MAN1C1: variants seen among roughly 807,000 people sequenced by gnomAD.
The protein encoded by MAN1C1 is mannosyl-oligosaccharide 1,2-alpha-mannosidase IC.
A neutral mutation model predicts 71.5 loss-of-function variants in MAN1C1; 49 were observed. The ratio of observed to expected loss-of-function variants is 0.69; its 90% CI spans 0.54 to 0.87. MAN1C1 has a LOEUF of 0.87. Ranked by LOEUF, MAN1C1 falls within the 40% of genes least tolerant of loss-of-function variation. The pLI is 0.00. For missense variants in MAN1C1, 743 were observed against 835.0 expected (o/e 0.89, Z 1.36); for synonymous variants, 352 against 343.7 (o/e 1.02, Z -0.27).
chr1:25,670,288 A>T (rs1191297263), intron 1 of MAN1C1, among the ~76,000 whole-genome samples: 3 of 152,244 alleles, frequency 2.0e-5, no homozygotes, highest in Non-Finnish European at 4.4e-5. Context: ...GCACTTGGAG[A>T]TTCCTGCGTT....
intron 2 of MAN1C1, among the ~76,000 whole-genome samples, chr1:25,733,474 C>T (rs1290422000): frequency 6.6e-6 from 1 of 152,112 alleles, no homozygotes; most frequent in East Asian, 1.9e-4. Context: ...TGCCCTTGGC[C>T]CCTTTCTCCT....
chr1:25,781,986 G>A (rs528193848), intron 10 of MAN1C1, among the ~76,000 whole-genome samples: 7 of 152,342 alleles, frequency 4.6e-5, no homozygotes, highest in Admixed American at 2.6e-4. Flanking sequence ...GAGGGGCTGA[G>A]GCAAGAGGAT....
intron 2 of MAN1C1, among the ~76,000 whole-genome samples, chr1:25,727,461 C>T (rs1041427740): frequency 6.6e-6 from 1 of 152,206 alleles, no homozygotes; most frequent in East Asian, 1.9e-4. Flanking sequence ...CCACCCTGCC[C>T]GAGAACGGGA....
chr1:25,653,471 G>C (rs1297534759), intron 1 of MAN1C1, among the ~76,000 whole-genome samples: 1 of 152,180 alleles, frequency 6.6e-6, no homozygotes, highest in East Asian at 1.9e-4. Flanking sequence ...GTGTTGTGTT[G>C]TGACTACTCG....
intron 1 of MAN1C1, among the ~76,000 whole-genome samples, chr1:25,676,093 C>CAA (rs2046063416): frequency 6.6e-6 from 1 of 152,136 alleles, no homozygotes; most frequent in South Asian, 2.1e-4. Context: ...CTTTGAGCAG[C>CAA]GAGAGTTTCT....
chr1:25,675,152 G>T (rs2046046438), intron 1 of MAN1C1, among the ~76,000 whole-genome samples: 1 of 152,104 alleles, frequency 6.6e-6, no homozygotes, highest in Admixed American at 6.5e-5. Context: ...TTCTTTAGTG[G>T]TGATTTCTGA....
At chr1:25,664,477 A>C (rs1572132405) in intron 1 of MAN1C1, among the ~76,000 whole-genome samples, 1 of 152,224 alleles carries the variant, frequency 6.6e-6, no homozygotes. Flanking sequence ...TTATTCTGCC[A>C]TATAATAGTG....
chr1:25,703,961 C>A lies in MAN1C1; in HGVS notation c.637+17425C>A, dbSNP rs1012222608. The stretch of plus-strand genomic sequence containing the variant: ...AAGGGCCCACCTTCTTGGGCACTGG[C>A]GGGATCTGTCTGCCCAGTTCCTGGT... On this transcript the variant is annotated intron_variant, in intron 2 of 11. Transcript: ENST00000374332. Among the ~76,000 whole-genome samples, 4 of 152,162 alleles carry A rather than the reference C, an allele frequency of 2.6e-5. No homozygotes were observed. In the South Asian group the frequency reaches 6.2e-4, roughly 24 times the overall value.
At chr1:25,742,895 G>A (rs927287805) in intron 2 of MAN1C1, among the ~76,000 whole-genome samples, 13 of 152,160 alleles carry the variant, frequency 8.5e-5, no homozygotes, top group Admixed American at 7.2e-4. Context: ...CCCTGACCTC[G>A]TTGCCCTTCC....
In MAN1C1 at chr1:25,757,505, G is replaced by A. The variant is rs982292829; in HGVS notation, c.930-1087G>A. On this transcript the variant is annotated intron_variant, in intron 5 of 11. Transcript: ENST00000374332. ...CATATGAGGAAACTGAGGCACGGGG[G>A]GGGGGGGCAGCTTGCCCAGAACCAC... Among the ~76,000 whole-genome samples, 16 of 16,808 alleles carry A rather than the reference G, an allele frequency of 9.5e-4. No homozygotes were observed. In the East Asian group the frequency reaches 0.022, roughly 24 times the overall value. 11.0% of individuals were successfully genotyped at this position (16,808 alleles called of 152,430 possible). A position where few individuals can be genotyped will look rare whatever the true frequency, so the allele number is the denominator to read the frequency against.
intron 1 of MAN1C1, among the ~76,000 whole-genome samples, chr1:25,618,594 G>T (rs893849991): frequency 7.9e-5 from 12 of 151,710 alleles, no homozygotes; most frequent in Non-Finnish European, 4.4e-5. Flanking sequence ...TAGACCAACT[G>T]CCCCCTCACT....
At chr1:25,694,669 C>CCA (rs372128412) in intron 2 of MAN1C1, among the ~76,000 whole-genome samples, 3 of 152,076 alleles carry the variant, frequency 2.0e-5, no homozygotes, top group Non-Finnish European at 2.9e-5. Context: ...CTCTCCCCCT[C>CCA]CACACACACA....
intron 2 of MAN1C1, among the ~76,000 whole-genome samples, chr1:25,744,847 C>T (rs1283179061): frequency 6.6e-6 from 1 of 152,212 alleles, no homozygotes; most frequent in African/African-American, 2.4e-5. Context: ...GTGGGCTCAA[C>T]AGGCTCCAGA....
chr1:25,713,797 C>T (rs1328376324), intron 2 of MAN1C1, among the ~76,000 whole-genome samples: 1 of 152,164 alleles, frequency 6.6e-6, no homozygotes, highest in Admixed American at 6.5e-5. Context: ...TCCTTGGGCT[C>T]AGTTTAACAC....
At chr1:25,706,338 C>T (rs536355219) in intron 2 of MAN1C1, among the ~76,000 whole-genome samples, 2 of 152,294 alleles carry the variant, frequency 1.3e-5, no homozygotes, top group South Asian at 4.1e-4. Flanking sequence ...GCATCTAGCA[C>T]CCCTTCCTGG....
chr1:25,783,978 G>A lies in MAN1C1; in HGVS notation c.*189G>A. Reference sequence around the variant, plus strand: ...TGGAGACTCAGCGATGTCAGGCCAGGGCCATGGCCACACTGGCCCACACAT... The same window carrying A: ...TGGAGACTCAGCGATGTCAGGCCAGAGCCATGGCCACACTGGCCCACACAT... On this transcript the variant is annotated 3_prime_UTR_variant, in exon 12 of 12. Coordinates refer to ENST00000374332, the MANE Select transcript of MAN1C1 (RefSeq NM_020379.4). 1.4e-6 allele frequency: 1 copy of A among 700,100 alleles called. No homozygotes were observed. Among genetic ancestry groups the A allele is most frequent in the Non-Finnish European group, 2.3e-6 (1 of 436,034 alleles). 43.4% of individuals were successfully genotyped at this position (700,100 alleles called of 1,614,324 possible).
At chr1:25,727,833 A>G (rs564297027) in intron 2 of MAN1C1, among the ~76,000 whole-genome samples, 1 of 152,192 alleles carries the variant, frequency 6.6e-6, no homozygotes, top group Non-Finnish European at 1.5e-5. Flanking sequence ...GCCACATCCA[A>G]AGGCAATGCA....
At chr1:25,767,562 TCACACACACC>T (rs200819345) in intron 7 of MAN1C1, among the ~76,000 whole-genome samples, 1 of 82,038 alleles carries the variant, frequency 1.2e-5, no homozygotes, top group Non-Finnish European at 2.4e-5. Flanking sequence ...CACACTCCCC[TCACACACACC>T]CACACACACA....
At chr1:25,638,998 G>A (rs2124758854) in intron 1 of MAN1C1, among the ~76,000 whole-genome samples, 1 of 152,176 alleles carries the variant, frequency 6.6e-6, no homozygotes, top group East Asian at 1.9e-4. Context: ...TAGATTGCTT[G>A]ATATCATCCT....
Sources: gnomAD v4.1 joint callset for allele counts (sites outside exome capture counted in the v4.1 genomes callset) on GRCh38, gnomAD v4.1.1 for gene constraint, MANE v1.5 for transcripts, NCBI Gene and HGNC (gene_info 2026-07-23, HGNC 2026-07-21) for gene names.